The following FAM13A variants were observed in gnomAD, a reference collection of about 807,000 sequenced individuals.
FAM13A encodes protein FAM13A.
A neutral mutation model predicts 129.6 loss-of-function variants in FAM13A; 76 were observed. The observed-to-expected ratio is 0.59, with a 90% CI of 0.49 to 0.71. The LOEUF is 0.71. Among genes scored for constraint, FAM13A ranks in the 30% least tolerant of loss-of-function variants. The pLI, the probability that FAM13A is intolerant of heterozygous loss-of-function variation, is 0.00. For synonymous variants in FAM13A, 443 were observed against 449.9 expected, an observed-to-expected ratio of 0.98 and a Z score of 0.20; for missense variants, 1,108 against 1,249.3, an observed-to-expected ratio of 0.89 and a Z score of 1.70.
At chr4:88,968,400 T>C (rs993113636) in intron 4 of FAM13A, among the ~76,000 whole-genome samples, 11 of 152,200 alleles carry the variant, frequency 7.2e-5, no homozygotes, top group African/African-American at 2.4e-4. Context: ...TACAAAAATA[T>C]ATAATCAGTA....
chr4:88,975,933 G>C (rs777495941), intron 4 of FAM13A, among the ~76,000 whole-genome samples: 13 of 152,074 alleles, frequency 8.5e-5, no homozygotes, highest in Non-Finnish European at 1.6e-4. Context: ...TCTTAGTCTT[G>C]CCATAACTAG....
At chr4:89,015,938 T>C (rs1260550206) in intron 3 of FAM13A, among the ~76,000 whole-genome samples, 1 of 152,172 alleles carries the variant, frequency 6.6e-6, no homozygotes, top group Non-Finnish European at 1.5e-5. Flanking sequence ...GTATGTTAAT[T>C]ATAACACAGA....
intron 1 of FAM13A, among the ~76,000 whole-genome samples, chr4:89,046,233 A>C (rs1770838896): frequency 6.6e-6 from 1 of 152,044 alleles, no homozygotes; most frequent in South Asian, 2.1e-4. Flanking sequence ...ACCAGCAAAA[A>C]AATTAAAAAT....
chr4:88,913,933 T>C (rs977444353), intron 5 of FAM13A, among the ~76,000 whole-genome samples: 13 of 151,740 alleles, frequency 8.6e-5, no homozygotes, highest in African/African-American at 2.9e-4. Context: ...ATTCTGTCAG[T>C]CTGAGGTTGC....
intron 6 of FAM13A, among the ~76,000 whole-genome samples, chr4:88,862,814 T>C (rs1183242823): frequency 6.6e-6 from 1 of 151,996 alleles, no homozygotes; most frequent in Admixed American, 6.6e-5. Flanking sequence ...ATAAAATGTA[T>C]AAGGAAGTTT....
intron 4 of FAM13A, among the ~76,000 whole-genome samples, chr4:88,968,867 G>A (rs754647210): frequency 1.3e-5 from 2 of 151,972 alleles, no homozygotes; most frequent in African/African-American, 2.4e-5. Context: ...TGCCTATAAC[G>A]CTGTTAGGGA....
intron 4 of FAM13A, among the ~76,000 whole-genome samples, chr4:88,970,582 CA>C (rs1407328111): frequency 1.3e-4 from 19 of 151,064 alleles, no homozygotes; most frequent in African/African-American, 3.9e-4. Context: ...TAATAAATTT[CA>C]AAAATTGAGT....
At position 88,824,810 on chromosome 4, in the gene FAM13A, C is replaced by T. The variant is rs1199243142; in HGVS notation, c.1008-19758G>A. On this transcript the variant is annotated intron_variant, in intron 7 of 23. Transcript: ENST00000264344. ...GCAACCTCCGCCTCCTGGGTTCAAGCGATTCTCCTTCCTCAGCCTCCCGAG... is the reference window on the plus strand; with the variant it reads ...GCAACCTCCGCCTCCTGGGTTCAAGTGATTCTCCTTCCTCAGCCTCCCGAG... Among the ~76,000 whole-genome samples, 6 of 151,702 alleles carry T rather than the reference C, an allele frequency of 4.0e-5. No individual in the cohort carries two copies. In the Middle Eastern group the frequency reaches 0.014, roughly 344 times the overall value.
intron 7 of FAM13A, among the ~76,000 whole-genome samples, chr4:88,819,010 A>T (rs1205179941): frequency 6.6e-6 from 1 of 152,198 alleles, no homozygotes; most frequent in Non-Finnish European, 1.5e-5. Flanking sequence ...TTCTACTGAT[A>T]AGAAGCTTCA....
chr4:88,920,094 C>A (rs1750783725), intron 5 of FAM13A, among the ~76,000 whole-genome samples: 1 of 152,240 alleles, frequency 6.6e-6, no homozygotes, highest in African/African-American at 2.4e-5. Context: ...GCCTGCCTGC[C>A]TCTGTAGGCT....
chr4:88,992,171 C>T (rs1156481168), intron 3 of FAM13A, among the ~76,000 whole-genome samples: 2 of 152,200 alleles, frequency 1.3e-5, no homozygotes, highest in African/African-American at 4.8e-5. Flanking sequence ...AGCTGCAAAA[C>T]CCCAAATGCA....
At chr4:88,929,804 C>T (rs945702301) in intron 5 of FAM13A, among the ~76,000 whole-genome samples, 22 of 152,128 alleles carry the variant, frequency 1.4e-4, no homozygotes, top group African/African-American at 5.1e-4. Flanking sequence ...GTGGTGCAAA[C>T]ACAGCTCACT....
intron 19 of FAM13A, among the ~76,000 whole-genome samples, chr4:88,739,786 C>CAA (rs34007551): frequency 0.12 from 7,963 of 67,734 alleles, 718 homozygotes; most frequent in South Asian, 0.29. Flanking sequence ...GACTCTGTCT[C>CAA]AAAAAAAAAA....
intron 9 of FAM13A, among the ~76,000 whole-genome samples, chr4:88,788,436 A>T (rs1724427164): frequency 6.6e-6 from 1 of 152,184 alleles, no homozygotes; most frequent in South Asian, 2.1e-4. Context: ...ATATTTTGGG[A>T]AAAAACTCAC....
chr4:88,990,308 C>T (rs1762778797), intron 4 of FAM13A: 1 of 152,116 alleles, frequency 6.6e-6, no homozygotes, highest in South Asian at 2.1e-4. Context: ...TTTCTGAGAG[C>T]TTTTGGAGTG....
chr4:88,822,132 T>C (rs957310431), intron 7 of FAM13A, among the ~76,000 whole-genome samples: 1 of 152,208 alleles, frequency 6.6e-6, no homozygotes, highest in Non-Finnish European at 1.5e-5. Flanking sequence ...GAAACATTTC[T>C]ATGGAATGAA....
At chr4:89,036,499 C>T (rs1254066391) in intron 1 of FAM13A, among the ~76,000 whole-genome samples, 1 of 152,128 alleles carries the variant, frequency 6.6e-6, no homozygotes, top group African/African-American at 2.4e-5. Context: ...GAAAACAGAG[C>T]ATAAAAGTTT....
Position 88,726,244 on chromosome 4 carries a change from C to G in FAM13A, c.*2289G>C, listed in dbSNP as rs1736440287. The G allele has an allele frequency of 6.6e-6, 1 of 152,112 alleles. No individual in the cohort carries two copies. Among genetic ancestry groups the G allele is most frequent in the South Asian group, 2.1e-4 (1 of 4,824 alleles). 9.4% of individuals were successfully genotyped at this position (152,112 alleles called of 1,614,324 possible). A position where few individuals can be genotyped will look rare whatever the true frequency, so the allele number is the denominator to read the frequency against. On this transcript the variant is annotated 3_prime_UTR_variant, in exon 24 of 24. Coordinates refer to ENST00000264344, the MANE Select transcript of FAM13A (RefSeq NM_014883.4). ...TAACAAACATTTCTTCAAATAAGAT[C>G]TAGTGTGAAAAGGGCTTCCTCTCAT...
chr4:88,974,249 C>G (rs1332850044), intron 4 of FAM13A, among the ~76,000 whole-genome samples: 1 of 152,088 alleles, frequency 6.6e-6, no homozygotes, highest in South Asian at 2.1e-4. Context: ...GGTTGTTCTA[C>G]CCTTCCTTGC....
Sources: gnomAD v4.1 joint callset for allele counts (sites outside exome capture counted in the v4.1 genomes callset) on GRCh38, gnomAD v4.1.1 for gene constraint, MANE v1.5 for transcripts, NCBI Gene and HGNC (gene_info 2026-07-23, HGNC 2026-07-21) for gene names.